The following TMEM184B variants were observed in gnomAD, a reference collection of about 807,000 sequenced individuals.
The protein encoded by TMEM184B is putative MAPK-activating protein FM08.
TMEM184B carries 17 observed loss-of-function variants against 41.8 expected under a neutral mutation model. The observed-to-expected ratio is 0.41, with a 90% CI of 0.28 to 0.61. The LOEUF is 0.61. Ranked by LOEUF, TMEM184B falls within the 20% of genes least tolerant of loss-of-function variation. The pLI is 0.34. For missense variants in TMEM184B, 393 were observed against 557.8 expected (o/e 0.70, Z 2.98); for synonymous variants, 240 against 229.5 (o/e 1.05, Z -0.41).
rs747531805 is a variant in TMEM184B, at chr22:38,224,935, T to C, written c.832A>G (p.Ile278Val). The C allele has an allele frequency of 1.9e-6, 3 of 1,603,916 alleles. No homozygotes were observed. In the South Asian group the frequency reaches 3.3e-5, roughly 18 times the overall value. Residue 278 changes from isoleucine to valine, a missense_variant, in exon 8 of 9, where the codon ATC becomes GTC. Physicochemically the swap from Ile to Val is conservative, Grantham distance 29. Transcript: ENST00000361906. ...ILEKCGAIPK[I>V]HSARVSVGEG... ...CCCACCGACACGCGGGCCGAGTGGA[T>C]TTTGGGGATGGCCCCACACTTCTCC...
chr22:38,263,567 T>G (rs2092401898), intron 1 of TMEM184B, among the ~76,000 whole-genome samples: 1 of 152,120 alleles, frequency 6.6e-6, no homozygotes, highest in Admixed American at 6.6e-5. Context: ...CGAATGAACA[T>G]TTAAGCTGCC....
chr22:38,267,850 G>A (rs135721), intron 1 of TMEM184B, among the ~76,000 whole-genome samples: 34,352 of 152,018 alleles, frequency 0.23, 4,299 homozygotes, highest in Middle Eastern at 0.34. Context: ...TGTACATTTC[G>A]CCAGACACTG....
intron 1 of TMEM184B, among the ~76,000 whole-genome samples, chr22:38,272,198 C>A (rs937346015): frequency 1.3e-5 from 2 of 152,220 alleles, no homozygotes; most frequent in African/African-American, 4.8e-5. Context: ...AACTGCCTTG[C>A]CTTGGCCTGG....
At chr22:38,233,765 TG>T (rs2091697738) in intron 3 of TMEM184B, among the ~76,000 whole-genome samples, 1 of 152,132 alleles carries the variant, frequency 6.6e-6, no homozygotes, top group Non-Finnish European at 1.5e-5. Flanking sequence ...TTGTTGTTTT[TG>T]TTTTTTGTTT....
At chr22:38,224,661 T>G (rs76790387) in intron 8 of TMEM184B, 124 bp downstream of exon 8, 1 of 958,124 alleles carries the variant, frequency 1.0e-6, no homozygotes, top group Non-Finnish European at 1.5e-6. Flanking sequence ...TTCCTGCATA[T>G]AGAGTGGGGA....
intron 1 of TMEM184B, among the ~76,000 whole-genome samples, chr22:38,248,640 C>T (rs187678977): frequency 2.0e-5 from 3 of 152,214 alleles, no homozygotes; most frequent in Admixed American, 6.5e-5. Context: ...CCGACTAACT[C>T]GATTCACTCA....
intron 8 of TMEM184B, chr22:38,222,698 A>AG (rs1376587417): frequency 4.1e-6 from 4 of 985,572 alleles, no homozygotes; most frequent in African/African-American, 3.5e-5. Context: ...AAGCAGGGCA[A>AG]GGGGGGCGGG....
chr22:38,247,435 C>T (rs1267470209), intron 2 of TMEM184B, among the ~76,000 whole-genome samples: 1 of 152,228 alleles, frequency 6.6e-6, no homozygotes, highest in Non-Finnish European at 1.5e-5. Flanking sequence ...CTGCACTGGG[C>T]CCTGGGACGC....
chr22:38,222,836 A>C (rs1303961553), intron 8 of TMEM184B: 1 of 399,482 alleles, frequency 2.5e-6, no homozygotes, highest in African/African-American at 2.2e-5. Context: ...CAGGGCACCC[A>C]GGAAGCTCCA....
At chr22:38,217,938 T>G (rs1235234019), downstream of TMEM184B, among the ~76,000 whole-genome samples, 2 of 151,984 alleles carry the variant, frequency 1.3e-5, no homozygotes, top group African/African-American at 4.8e-5. Flanking sequence ...ATTGCACCAC[T>G]GCACAATCTA....
At position 38,221,545 on chromosome 22, in the gene TMEM184B, A is replaced by G. The variant is rs760819669; in HGVS notation, c.1148T>C (p.Leu383Pro). The G allele has an allele frequency of 4.3e-6, 7 of 1,613,756 alleles. No individual in the cohort carries two copies. In the Admixed American group the frequency reaches 8.3e-5, roughly 19 times the overall value. ...GCCACTGAGGCTGTGGGAGCGGGAG[A>G]GGCCGTGGGCGCCACCACGCCAGGT... ...GPTWRGGAHGLSRSHSLSGAR... is the reference protein window; with the variant it reads ...GPTWRGGAHGPSRSHSLSGAR... The change falls in exon 9 of 9, where the codon CTC (leucine) becomes CCC (proline). Residue 383 changes from leucine (L) to proline (P), a missense_variant. Leu to Pro is a moderately conservative substitution (Grantham distance 98). Transcript: ENST00000361906.
chr22:38,254,172 G>T (rs1202078014), intron 1 of TMEM184B, among the ~76,000 whole-genome samples: 1 of 136,378 alleles, frequency 7.3e-6, no homozygotes, highest in Non-Finnish European at 1.5e-5. Flanking sequence ...TTGCACTCCC[G>T]CCCTTAGGGG....
intron 5 of TMEM184B, among the ~76,000 whole-genome samples, chr22:38,228,225 G>T (rs191684852): frequency 2.2e-4 from 33 of 152,306 alleles, no homozygotes; most frequent in Non-Finnish European, 2.8e-4. Flanking sequence ...CTAGAGAAGT[G>T]GGACTGGCAC....
At chr22:38,237,523 A>G (rs910976439) in intron 3 of TMEM184B, among the ~76,000 whole-genome samples, 1 of 152,250 alleles carries the variant, frequency 6.6e-6, no homozygotes, top group African/African-American at 2.4e-5. Context: ...TGCTGCAGAG[A>G]AACACTCTGG....
intron 1 of TMEM184B, among the ~76,000 whole-genome samples, chr22:38,271,475 G>A (rs1178188396): frequency 6.6e-6 from 1 of 152,146 alleles, no homozygotes; most frequent in Admixed American, 6.5e-5. Context: ...AAATTACACA[G>A]GAAAATATAT....
At chr22:38,253,102 A>G (rs971507278) in intron 1 of TMEM184B, among the ~76,000 whole-genome samples, 11 of 152,278 alleles carry the variant, frequency 7.2e-5, no homozygotes, top group African/African-American at 2.6e-4. Context: ...AGATCGCGCC[A>G]CTGCACTCCA....
At chr22:38,258,240 C>T (rs58427265) in intron 1 of TMEM184B, among the ~76,000 whole-genome samples, 3,952 of 152,048 alleles carry the variant, frequency 0.026, 173 homozygotes, top group African/African-American at 0.087. Context: ...AGTCCAGGTG[C>T]ACTGTCCTGT....
chr22:38,264,215 C>G (rs542331112), intron 1 of TMEM184B, among the ~76,000 whole-genome samples: 3 of 152,368 alleles, frequency 2.0e-5, no homozygotes, highest in Admixed American at 6.5e-5. Context: ...CCCCAACTCA[C>G]TTGGTGCTCT....
intron 1 of TMEM184B, among the ~76,000 whole-genome samples, chr22:38,260,657 A>T (rs2092356896): frequency 6.6e-6 from 1 of 152,170 alleles, no homozygotes. Flanking sequence ...TCTGAGAGAG[A>T]GGGACGGAAT....
Sources: allele counts gnomAD v4.1 joint callset (sites outside exome capture counted in the v4.1 genomes callset), GRCh38; gene constraint gnomAD v4.1.1; transcripts MANE v1.5; gene names NCBI Gene and HGNC (gene_info 2026-07-23, HGNC 2026-07-21).